The following PC variants were observed in gnomAD, a reference collection of about 807,000 sequenced individuals.
PC encodes pyruvate carboxylase, mitochondrial.
Under a neutral mutation model 107.8 loss-of-function variants are expected in PC, and 46 were observed. That is an observed-to-expected ratio of 0.43 (90% CI 0.34 to 0.55). The LOEUF (loss-of-function observed/expected upper bound fraction) is 0.55. Ranked by LOEUF, PC falls within the 20% of genes least tolerant of loss-of-function variation. The pLI, the probability that PC is intolerant of heterozygous loss-of-function variation, is 0.04. For synonymous variants in PC, 662 were observed against 684.7 expected, an observed-to-expected ratio of 0.97 and a Z score of 0.52; for missense variants, 1,241 against 1,643.1, an observed-to-expected ratio of 0.76 and a Z score of 4.23.
In PC at chr11:66,857,099, C is replaced by G. The variant is rs1010484447; in HGVS notation, c.1369-3716G>C. 1.4e-5 allele frequency: 2 copies of G among 147,750 alleles called. No homozygotes were observed. The highest frequency in any genetic ancestry group is 3.0e-5 in the Non-Finnish European group (2 of 66,300). 9.2% of individuals were successfully genotyped at this position (147,750 alleles called of 1,614,324 possible). ...ACCCGCTCGCCTGTCGCCGCCGCCA[C>G]CGCTAACCGCGCCGGGAAAAGGTGC... is the stretch of plus-strand genomic sequence containing the variant. On this transcript the variant is annotated intron_variant, in intron 12 of 22. Transcript: ENST00000393960. The surrounding 1 kb of genome is among the most constrained non-coding windows in gnomAD (Gnocchi z 7.1).
intron 13 of PC, 186 bp downstream of exon 13, chr11:66,853,053 A>T: frequency 2.8e-6 from 2 of 719,810 alleles, no homozygotes; most frequent in Admixed American, 5.4e-5. Flanking sequence ...CTCTCAGATC[A>T]GAAGCAAGGA....
At chr11:66,880,650 G>T (rs2135980084) in intron 3 of PC, among the ~76,000 whole-genome samples, 1 of 152,362 alleles carries the variant, frequency 6.6e-6, no homozygotes, top group South Asian at 2.1e-4. Context: ...CCACCAGTCT[G>T]CAGCCCTTCT....
intron 1 of PC, among the ~76,000 whole-genome samples, chr11:66,957,180 C>T (rs1451137342): frequency 1.3e-5 from 2 of 152,160 alleles, no homozygotes; most frequent in East Asian, 1.9e-4. Context: ...GCAGTGGGTA[C>T]GGGAGCAATA....
At chr11:66,946,618 C>G (rs988809793) in intron 3 of PC, among the ~76,000 whole-genome samples, 1 of 151,962 alleles carries the variant, frequency 6.6e-6, no homozygotes, top group Non-Finnish European at 1.5e-5. Context: ...GAGACTCCAT[C>G]TCAAAAAAAA....
At chr11:66,875,239 T>C (rs1946929790) in intron 3 of PC, among the ~76,000 whole-genome samples, 1 of 145,618 alleles carries the variant, frequency 6.9e-6, no homozygotes. Context: ...AGGGGGAAGC[T>C]ATGGGGGTCG....
At chr11:66,888,802 G>GGTTA (rs1458782309) in intron 3 of PC, among the ~76,000 whole-genome samples, 1 of 152,202 alleles carries the variant, frequency 6.6e-6, no homozygotes, top group Non-Finnish European at 1.5e-5. Context: ...TTGGCTGGGT[G>GGTTA]CAGTGGCTCA....
Position 66,914,435 on chromosome 11 carries a change from TG to T in PC, c.-1+37994del, listed in dbSNP as rs551766053. ...GCTGAGGCAGGAAATCGCTTGAACCTGGGAGGCAGAGTTTGCAGTGAGCCGA... is the reference window on the plus strand; with the variant it reads ...GCTGAGGCAGGAAATCGCTTGAACCTGGAGGCAGAGTTTGCAGTGAGCCGA... On this transcript the variant is annotated intron_variant, in intron 3 of 22. Transcript: ENST00000393960. Among the ~76,000 whole-genome samples the T allele has an allele frequency of 2.2e-4, 33 of 151,458 alleles. 1 individual carries two copies. In the East Asian group the frequency reaches 6.2e-3, roughly 29 times the overall value.
intron 3 of PC, among the ~76,000 whole-genome samples, chr11:66,883,673 C>T (rs1198604933): frequency 2.6e-5 from 4 of 152,116 alleles, no homozygotes; most frequent in Non-Finnish European, 2.9e-5. Context: ...CTCTTTTGTC[C>T]CCACATCTCC....
intron 3 of PC, among the ~76,000 whole-genome samples, chr11:66,925,533 C>T (rs1231675146): frequency 6.6e-6 from 1 of 152,222 alleles, no homozygotes. Flanking sequence ...GTTCCCTGAA[C>T]ATCGCTGTTA....
intron 12 of PC, among the ~76,000 whole-genome samples, chr11:66,863,542 G>A (rs1371323939): frequency 1.3e-5 from 2 of 152,136 alleles, no homozygotes; most frequent in African/African-American, 4.8e-5. Context: ...GACGAGCTCC[G>A]GCCAGGCCAC....
intron 3 of PC, among the ~76,000 whole-genome samples, chr11:66,921,211 C>T (rs189207940): frequency 3.9e-5 from 6 of 152,202 alleles, no homozygotes; most frequent in East Asian, 1.9e-4. Flanking sequence ...GAAACGACCC[C>T]GCTAAAAACC....
chr11:66,935,925 A>G (rs757120012), intron 3 of PC, among the ~76,000 whole-genome samples: 1 of 152,090 alleles, frequency 6.6e-6, no homozygotes, highest in Non-Finnish European at 1.5e-5. Flanking sequence ...CAAAAAATAC[A>G]AAAACTAGCC....
At chr11:66,920,874 T>C (rs1384834296) in intron 3 of PC, among the ~76,000 whole-genome samples, 3 of 151,838 alleles carry the variant, frequency 2.0e-5, no homozygotes, top group African/African-American at 7.3e-5. Context: ...CCCGTCTCTA[T>C]TAAAAATACA....
chr11:66,939,623 G>A (rs549685609), intron 3 of PC, among the ~76,000 whole-genome samples: 19 of 151,906 alleles, frequency 1.3e-4, no homozygotes, highest in African/African-American at 1.2e-4. Flanking sequence ...TGACCAATAC[G>A]GAGAAACCCC....
chr11:66,858,498 G>GACGACCTGGAA lies in PC; in HGVS notation c.1369-5126_1369-5116dup, dbSNP rs1946017681. On this transcript the variant is annotated intron_variant, in intron 12 of 22. Coordinates refer to ENST00000393960, the MANE Select transcript of PC (RefSeq NM_001040716.2). This position sits in a 1 kb window ranked among gnomAD's most constrained non-coding sequence, Gnocchi z 5.9. ...GTGGCTGCGGCGGCTGGCGCGGCCG[G>GACGACCTGGAA]ACGACCTGGAAACGTGCGCCTCCCC... The GACGACCTGGAA allele has an allele frequency of 6.5e-7, 1 of 1,537,666 alleles. No individual in the cohort carries two copies. The highest frequency in any genetic ancestry group is 8.7e-7 in the Non-Finnish European group (1 of 1,147,846).
chr11:66,924,659 C>G (rs1811936917), intron 3 of PC, among the ~76,000 whole-genome samples: 1 of 152,116 alleles, frequency 6.6e-6, no homozygotes, highest in Non-Finnish European at 1.5e-5. Flanking sequence ...CAGGGTTTCA[C>G]CATGTTGCCC....
chr11:66,878,399 AAG>A (rs766665424), intron 3 of PC, among the ~76,000 whole-genome samples: 3 of 152,238 alleles, frequency 2.0e-5, no homozygotes, highest in Non-Finnish European at 4.4e-5. Flanking sequence ...CATGCAAAGA[AAG>A]AGATTTCCTC....
chr11:66,952,290 A>G (rs543864521), intron 3 of PC, 140 bp downstream of exon 3: 1 of 152,328 alleles, frequency 6.6e-6, no homozygotes, highest in South Asian at 2.1e-4. Context: ...GCTTAAACGG[A>G]TATTATCCAC....
At chr11:66,890,400 T>G (rs1440409718) in intron 3 of PC, among the ~76,000 whole-genome samples, 1 of 152,028 alleles carries the variant, frequency 6.6e-6, no homozygotes, top group Non-Finnish European at 1.5e-5. Context: ...TCCCATTTTT[T>G]TTTTTTTTTT....
Sources: gnomAD v4.1 joint callset for allele counts (sites outside exome capture counted in the v4.1 genomes callset) on GRCh38, gnomAD v4.1.1 for gene constraint, Gnocchi (gnomAD v3.1) non-coding constraint, MANE v1.5 for transcripts, NCBI Gene and HGNC (gene_info 2026-07-23, HGNC 2026-07-21) for gene names.